The following SCRN1 variants were observed in gnomAD, a reference collection of about 807,000 sequenced individuals.
SCRN1 encodes secernin-1.
SCRN1 carries 19 observed loss-of-function variants against 43.3 expected under a neutral mutation model. The ratio of observed to expected loss-of-function variants is 0.44; its 90% CI spans 0.31 to 0.64. The LOEUF (loss-of-function observed/expected upper bound fraction) is 0.64. Ranked by LOEUF, SCRN1 falls within the 30% of genes least tolerant of loss-of-function variation. SCRN1 has a pLI of 0.09. For missense variants in SCRN1, 447 were observed against 524.1 expected (o/e 0.85, Z 1.44); for synonymous variants, 183 against 188.9 (o/e 0.97, Z 0.26).
rs1292970040 is a variant in SCRN1 at position 29,965,466 on chromosome 7, C to T, written c.159+3443G>A. On this transcript the variant is annotated intron_variant, in intron 2 of 7. Coordinates refer to ENST00000242059, the MANE Select transcript of SCRN1 (RefSeq NM_014766.5). This position sits in a 1 kb window ranked among gnomAD's most constrained non-coding sequence, Gnocchi z 4.2. ...GGCAGCGGGACTCAGTGACAGCTGT[C>T]CCTGTGCATTGGGGATGGGGGAAGT... Among the ~76,000 whole-genome samples the T allele has an allele frequency of 6.6e-6, 1 of 152,088 alleles. No homozygotes were observed. The highest frequency in any genetic ancestry group is 1.9e-4 in the East Asian group (1 of 5,190).
At chr7:29,939,442 C>T (rs908000203) in intron 5 of SCRN1, among the ~76,000 whole-genome samples, 5 of 152,112 alleles carry the variant, frequency 3.3e-5, no homozygotes, top group African/African-American at 4.8e-5. Context: ...AACTGAACTC[C>T]TAGCCTCAAG....
At chr7:29,941,269 C>A (rs1430884227) in intron 4 of SCRN1, among the ~76,000 whole-genome samples, 1 of 152,180 alleles carries the variant, frequency 6.6e-6, no homozygotes, top group East Asian at 1.9e-4. Context: ...AGGGAGTCCT[C>A]TATAATAGAG....
In SCRN1 at chr7:29,940,800, G is replaced by A. The variant is rs769256493; in HGVS notation, c.621C>T (p.Tyr207=). 2.6e-5 allele frequency: 42 copies of A among 1,606,890 alleles called. 1 individual carries two copies. Among genetic ancestry groups the A allele is most frequent in the South Asian group, 1.4e-4 (13 of 89,690 alleles). Residue 207 remains tyrosine (Y), a synonymous_variant, in exon 5 of 8, where the codon TAC becomes TAT. Transcript: ENST00000242059. The part of the protein sequence containing the change: ...MDAEHPELRS[Y]AQSQGWWTGE... ...CCGTCCACCAACCTTGGCTCTGAGC[G>A]TAACTCCTGAGTTCCGGATGCTCTG...
At chr7:29,930,504 A>AGGC (rs1787121074) in intron 6 of SCRN1, among the ~76,000 whole-genome samples, 2 of 152,204 alleles carry the variant, frequency 1.3e-5, no homozygotes, top group African/African-American at 4.8e-5. Context: ...CCATTAACAG[A>AGGC]CACACCCAAC....
chr7:29,985,534 C>T (rs111330841), intron 1 of SCRN1, among the ~76,000 whole-genome samples: 209 of 152,138 alleles, frequency 1.4e-3, no homozygotes, highest in African/African-American at 4.9e-3. Flanking sequence ...AGCCCAGGGC[C>T]CTCTCACTGT....
At chr7:29,947,531 A>G (rs1408404739) in intron 3 of SCRN1, among the ~76,000 whole-genome samples, 1 of 152,202 alleles carries the variant, frequency 6.6e-6, no homozygotes, top group Non-Finnish European at 1.5e-5. Context: ...CCCCTTAGAA[A>G]GGTGGGCCTA....
chr7:29,987,354 C>T (rs1407029071), intron 1 of SCRN1, among the ~76,000 whole-genome samples: 1 of 152,170 alleles, frequency 6.6e-6, no homozygotes, highest in Non-Finnish European at 1.5e-5. Flanking sequence ...GTTATGTTTA[C>T]AATAGGCTTG....
At chr7:29,942,993 C>T (rs140533626) in intron 4 of SCRN1, among the ~76,000 whole-genome samples, 1 of 152,246 alleles carries the variant, frequency 6.6e-6, no homozygotes, top group East Asian at 1.9e-4. Context: ...GCTTCTAACT[C>T]GGGTCAAATT....
chr7:29,945,374 A>C (rs538062571), intron 3 of SCRN1, among the ~76,000 whole-genome samples: 59 of 152,294 alleles, frequency 3.9e-4, no homozygotes, highest in African/African-American at 1.4e-3. Flanking sequence ...AATAAGACTC[A>C]CAAGATCTGA....
upstream of SCRN1, chr7:29,990,184 T>A: frequency 6.4e-7 from 1 of 1,551,706 alleles, no homozygotes; most frequent in East Asian, 2.4e-5. Context: ...TCCTGTACCT[T>A]GTTGACTCGC....
intron 1 of SCRN1, among the ~76,000 whole-genome samples, chr7:29,981,587 T>A (rs1267105175): frequency 1.3e-5 from 2 of 152,202 alleles, no homozygotes; most frequent in African/African-American, 4.8e-5. Flanking sequence ...TTCTCCCAGC[T>A]TCAGGTGAAG....
At chr7:29,982,041 A>T (rs544282961) in intron 1 of SCRN1, among the ~76,000 whole-genome samples, 2 of 152,190 alleles carry the variant, frequency 1.3e-5, no homozygotes, top group African/African-American at 4.8e-5. Context: ...TAAAGCAAGC[A>T]ATACTCTAGC....
chr7:29,965,639 G>A lies in SCRN1; in HGVS notation c.159+3270C>T, dbSNP rs920111084. On this transcript the variant is annotated intron_variant, in intron 2 of 7. Coordinates refer to ENST00000242059, the MANE Select transcript of SCRN1 (RefSeq NM_014766.5). This position sits in a 1 kb window ranked among gnomAD's most constrained non-coding sequence, Gnocchi z 4.2. Reference sequence around the variant, plus strand: ...ACCTGCAGAATATGCAAGTGGGAACGCAAAGAGGCAGCTCAAAACACAGGT... The same window carrying A: ...ACCTGCAGAATATGCAAGTGGGAACACAAAGAGGCAGCTCAAAACACAGGT... 6.6e-6 allele frequency among the ~76,000 whole-genome samples: 1 copy of A among 152,192 alleles called. No individual in the cohort carries two copies. Among genetic ancestry groups the A allele is most frequent in the South Asian group, 2.1e-4 (1 of 4,828 alleles).
At chr7:29,930,594 T>G (rs188885094) in intron 6 of SCRN1, among the ~76,000 whole-genome samples, 3 of 152,204 alleles carry the variant, frequency 2.0e-5, no homozygotes. Context: ...TTTCATCACA[T>G]GCATGGGACG....
intron 2 of SCRN1, among the ~76,000 whole-genome samples, chr7:29,956,185 ATCAG>A (rs909040478): frequency 2.6e-5 from 4 of 152,242 alleles, no homozygotes; most frequent in Admixed American, 1.3e-4. Flanking sequence ...GCACAATAAA[ATCAG>A]TCAAAGTATG....
intron 6 of SCRN1, 40 bp from the exon 7 acceptor site, chr7:29,926,672 G>A: frequency 6.3e-7 from 1 of 1,590,106 alleles, no homozygotes; most frequent in East Asian, 2.2e-5. Context: ...GGCAGAGGCT[G>A]GGACCCGGGA....
At chr7:29,958,859 T>G (rs920935308) in intron 2 of SCRN1, among the ~76,000 whole-genome samples, 4 of 152,198 alleles carry the variant, frequency 2.6e-5, no homozygotes, top group African/African-American at 4.8e-5. Flanking sequence ...TTCTTCTAAA[T>G]GTCAGCACTG....
chr7:29,954,181 G>A (rs1057421768), intron 3 of SCRN1, among the ~76,000 whole-genome samples: 7 of 152,078 alleles, frequency 4.6e-5, no homozygotes, highest in Non-Finnish European at 4.4e-5. Flanking sequence ...AAAGATCCCT[G>A]CCCTATCCAG....
chr7:29,956,541 A>G (rs532735418), intron 2 of SCRN1, among the ~76,000 whole-genome samples: 45 of 152,304 alleles, frequency 3.0e-4, no homozygotes, highest in African/African-American at 1.1e-3. Flanking sequence ...ACCCAGCTAT[A>G]TCGACTGAAT....
Sources: gnomAD v4.1 joint callset for allele counts (sites outside exome capture counted in the v4.1 genomes callset) on GRCh38, gnomAD v4.1.1 for gene constraint, Gnocchi (gnomAD v3.1) non-coding constraint, MANE v1.5 for transcripts, NCBI Gene and HGNC (gene_info 2026-07-23, HGNC 2026-07-21) for gene names.